Variants in WDR19 observed in about 807,000 individuals in gnomAD.
The protein encoded by WDR19 is WD repeat domain 19.
A neutral mutation model predicts 180.0 loss-of-function variants in WDR19; 121 were observed. That is an observed-to-expected ratio of 0.67 (90% CI 0.58 to 0.78). The LOEUF is 0.78. WDR19 is among the 30% of genes least tolerant of loss of function. The pLI is 0.00. For missense variants in WDR19, 1,450 were observed against 1,640.7 expected (o/e 0.88, Z 2.01); for synonymous variants, 497 against 540.7 (o/e 0.92, Z 1.12).
chr4:39,257,113 G>A (rs74759118), intron 27 of WDR19, among the ~76,000 whole-genome samples: 238 of 152,262 alleles, frequency 1.6e-3, no homozygotes, highest in African/African-American at 5.4e-3. Context: ...AATAGGGGCC[G>A]TGCCATACCA....
chr4:39,280,182 G>A lies in WDR19; in HGVS notation c.*13+1519G>A, dbSNP rs1211545209. Among the ~76,000 whole-genome samples, 9 of 113,224 alleles carry A rather than the reference G, an allele frequency of 7.9e-5. No individual in the cohort carries two copies. The East Asian group carries it at 8.7e-4, about 11-fold the overall frequency. 74.3% of individuals were successfully genotyped at this position (113,224 alleles called of 152,430 possible). ...TCGCCACATTGCGCAGATTGGTCTC[G>A]AACTCCTAGGCTCAAACAATCCTCC... On this transcript the variant is annotated intron_variant, in intron 36 of 36. Coordinates refer to ENST00000399820, the MANE Select transcript of WDR19 (RefSeq NM_025132.4).
At position 39,189,668 on chromosome 4, in the gene WDR19, C is replaced by T; in HGVS notation, c.177C>T (p.Ala59=). The T allele has an allele frequency of 6.3e-7, 1 of 1,597,386 alleles. No individual in the cohort carries two copies. Among genetic ancestry groups the T allele is most frequent in the Non-Finnish European group, 8.5e-7 (1 of 1,173,468 alleles). The part of the protein sequence containing the change: ...SEINLPGNCV[A]MDWDKDGDVL... ...TCTTTTTTAAAAGTAACTGTGTTGC[C>T]ATGGATTGGGATAAAGATGGAGATG... Residue 59 remains alanine (A), a synonymous_variant, in exon 4 of 37, where the codon GCC becomes GCT. Coordinates refer to ENST00000399820, the MANE Select transcript of WDR19 (RefSeq NM_025132.4).
chr4:39,218,482 A>G (rs1729312536), intron 14 of WDR19: 1 of 182,942 alleles, frequency 5.5e-6, no homozygotes. Context: ...TAGACAAGGT[A>G]CAGTATATGT....
intron 9 of WDR19, among the ~76,000 whole-genome samples, chr4:39,206,981 G>A (rs1269894019): frequency 6.6e-6 from 1 of 152,114 alleles, no homozygotes; most frequent in Non-Finnish European, 1.5e-5. Flanking sequence ...CAAATTACTT[G>A]ACATATGAAG....
chr4:39,193,229 T>C (rs1726354644), intron 4 of WDR19, among the ~76,000 whole-genome samples: 1 of 151,596 alleles, frequency 6.6e-6, no homozygotes, highest in Admixed American at 6.6e-5. Context: ...TGGCGCAATC[T>C]TGGCTCACTG....
chr4:39,248,876 G>A (rs2109422077), intron 24 of WDR19, among the ~76,000 whole-genome samples: 1 of 152,272 alleles, frequency 6.6e-6, no homozygotes, highest in East Asian at 1.9e-4. Flanking sequence ...GACCTACAAA[G>A]AGACTTAGAC....
intron 34 of WDR19, 31 bp from the exon 35 acceptor site, chr4:39,278,100 T>C: frequency 1.3e-6 from 2 of 1,549,076 alleles, no homozygotes; most frequent in Non-Finnish European, 1.7e-6. Context: ...AAAATAAAGA[T>C]GAATTTAACT....
At chr4:39,205,422 C>A in intron 8 of WDR19, 141 bp from the exon 9 acceptor site, 1 of 1,179,430 alleles carries the variant, frequency 8.5e-7, no homozygotes, top group Non-Finnish European at 1.2e-6. Flanking sequence ...GCAAAACTAC[C>A]TAGTATATTA....
intron 10 of WDR19, 51 bp from the exon 11 acceptor site, chr4:39,215,790 T>C (rs1302272968): frequency 1.3e-6 from 2 of 1,506,238 alleles, no homozygotes; most frequent in Admixed American, 3.9e-5. Flanking sequence ...GTTTGCTGCC[T>C]GCAACTATAT....
Position 39,186,617 on chromosome 4 carries a change from G to A in WDR19, c.164+13G>A. ...TTAACTTACCTGGGTAAGTACAGAA[G>A]TAGATTTAAAAAAACCTGTCAAGTT... On this transcript the variant is annotated intron_variant, in intron 3 of 36. Transcript: ENST00000399820. The A allele has an allele frequency of 6.5e-7, 1 of 1,528,454 alleles. No individual in the cohort carries two copies. Among genetic ancestry groups the A allele is most frequent in the South Asian group, 1.3e-5 (1 of 76,850 alleles). 94.7% of individuals were successfully genotyped at this position (1,528,454 alleles called of 1,614,324 possible). A position where few individuals can be genotyped will look rare whatever the true frequency, so the allele number is the denominator to read the frequency against.
rs1734762254 is a variant in WDR19, at chr4:39,266,084, C to T, written c.3205C>T (p.Leu1069=). The T allele has an allele frequency of 6.4e-7, 1 of 1,557,866 alleles. No homozygotes were observed. Among genetic ancestry groups the T allele is most frequent in the Non-Finnish European group, 8.7e-7 (1 of 1,150,478 alleles). The change falls in exon 29 of 37, where the codon CTG becomes TTG. Residue 1069 remains leucine (L), a synonymous_variant. Coordinates refer to ENST00000399820, the MANE Select transcript of WDR19 (RefSeq NM_025132.4). ...ACAGGTTGGTCAGGCCAAAGATGAA[C>T]TGCTGACCAATCAGCTGATAGACCA... is the stretch of plus-strand genomic sequence containing the variant. The part of the protein sequence containing the change: ...IETVGQAKDE[L]LTNQLIDHLL...
rs773692164 is a variant in WDR19 at position 39,253,302 on chromosome 4, T to A, written c.2876+10T>A. ...CCAAAATGGTAGCCAGGTAACATAA[T>A]ACATTAATATTTTTGGACTTTCAAA... On this transcript the variant is annotated intron_variant, in intron 25 of 36. Coordinates refer to ENST00000399820, the MANE Select transcript of WDR19 (RefSeq NM_025132.4). 1 of 1,603,450 alleles carries A rather than the reference T, an allele frequency of 6.2e-7. No individual in the cohort carries two copies. Among genetic ancestry groups the A allele is most frequent in the Non-Finnish European group, 8.5e-7 (1 of 1,176,718 alleles).
chr4:39,215,341 G>A (rs1310375200), intron 10 of WDR19, among the ~76,000 whole-genome samples: 3 of 149,982 alleles, frequency 2.0e-5, no homozygotes, highest in Admixed American at 2.0e-4. Flanking sequence ...TTTTGAGACA[G>A]CGTCTTGTTT....
chr4:39,266,168 T>TATGC lies in WDR19; in HGVS notation c.3261+28_3261+29insATGC. The TATGC allele has an allele frequency of 2.0e-6, 3 of 1,510,014 alleles. No homozygotes were observed. In the South Asian group the frequency reaches 3.8e-5, roughly 19 times the overall value. The allele number at this position is 1,510,014 out of a possible 1,614,324, so 93.5% of individuals were successfully genotyped here. A position where few individuals can be genotyped will look rare whatever the true frequency, so the allele number is the denominator to read the frequency against. ...ACTGAACACGTGGGCTTCGTGTGCA[T>TATGC]CCTCAGGTCTCAGTTACAGTTTGAT... On this transcript the variant is annotated intron_variant, in intron 29 of 36. Coordinates refer to ENST00000399820, the MANE Select transcript of WDR19 (RefSeq NM_025132.4).
chr4:39,267,986 A>G lies in WDR19; in HGVS notation c.3262-9A>G, dbSNP rs1734977224. ...GAAAGTAATGTTTCTATAATGGTTT[A>G]TGTGTCAGGATGCCAAGTACCTGTT... On this transcript the variant is annotated splice_polypyrimidine_tract_variant and intron_variant, in intron 29 of 36. Coordinates refer to ENST00000399820, the MANE Select transcript of WDR19 (RefSeq NM_025132.4). 3.1e-6 allele frequency: 5 copies of G among 1,593,624 alleles called. No homozygotes were observed. Among genetic ancestry groups the G allele is most frequent in the Non-Finnish European group, 4.3e-6 (5 of 1,169,398 alleles).
At chr4:39,251,879 G>T (rs1733232299) in intron 24 of WDR19, among the ~76,000 whole-genome samples, 1 of 152,178 alleles carries the variant, frequency 6.6e-6, no homozygotes, top group Non-Finnish European at 1.5e-5. Context: ...AGACGATGTG[G>T]AGAAATAGGA....
intron 4 of WDR19, among the ~76,000 whole-genome samples, chr4:39,193,733 C>T (rs1389258300): frequency 6.6e-6 from 1 of 152,170 alleles, no homozygotes; most frequent in African/African-American, 2.4e-5. Flanking sequence ...ATACCATGGT[C>T]TGTCAGCGGT....
intron 36 of WDR19, among the ~76,000 whole-genome samples, chr4:39,283,679 C>G (rs1736823801): frequency 6.6e-6 from 1 of 151,804 alleles, no homozygotes; most frequent in Non-Finnish European, 1.5e-5. Context: ...TTAGTTGTGT[C>G]TTTTTAAAGG....
chr4:39,208,324 T>C (rs76109007), intron 9 of WDR19, among the ~76,000 whole-genome samples: 1 of 80,560 alleles, frequency 1.2e-5, no homozygotes, highest in African/African-American at 4.1e-5. Flanking sequence ...TTTTTTTTTT[T>C]GAGACAGAGT....
Sources: allele counts gnomAD v4.1 joint callset (sites outside exome capture counted in the v4.1 genomes callset), GRCh38; gene constraint gnomAD v4.1.1; transcripts MANE v1.5; gene names NCBI Gene and HGNC (gene_info 2026-07-23, HGNC 2026-07-21).